Variants in GRIN2A observed in about 807,000 individuals in gnomAD.
GRIN2A encodes the protein glutamate ionotropic receptor NMDA type subunit 2A.
In GRIN2A, 22 loss-of-function variants were observed where a neutral mutation model predicts 113.4. That is an observed-to-expected ratio of 0.19 (90% CI 0.14 to 0.28). GRIN2A has a LOEUF of 0.28. GRIN2A is among the 10% of genes least tolerant of loss of function. The pLI, the probability that GRIN2A is intolerant of heterozygous loss-of-function variation, is 1.00. For missense variants in GRIN2A, 1,502 were observed against 1,887.0 expected (o/e 0.80, Z 3.78); for synonymous variants, 827 against 738.4 (o/e 1.12, Z -1.94).
chr16:9,970,657 AG>A (rs1162537629), intron 2 of GRIN2A: 1 of 375,776 alleles, frequency 2.7e-6, no homozygotes, highest in Non-Finnish European at 3.7e-6. Flanking sequence ...TTTTGGTTCA[AG>A]AAATATGTAT....
At chr16:9,798,518 G>T in intron 10 of GRIN2A, 54 bp from the exon 11 acceptor site, 1 of 1,411,480 alleles carries the variant, frequency 7.1e-7, no homozygotes, top group South Asian at 1.2e-5. Flanking sequence ...CCACCTCGGG[G>T]TCCAGCTCCT....
At position 9,799,964 on chromosome 16, in the gene GRIN2A, A is replaced by ATATTATTATTATTATTATTATTAT. The variant is rs71400498; in HGVS notation, c.2169-1524_2169-1501dup. On this transcript the variant is annotated intron_variant, in intron 10 of 12. Transcript: ENST00000330684. ...TCTCCAAGGGCACAACTGTGCCTAA[A>ATATTATTATTATTATTATTATTAT]TATTATTATTATTATTATTATTATT... 1.9e-3 allele frequency among the ~76,000 whole-genome samples: 288 copies of ATATTATTATTATTATTATTATTAT among 149,702 alleles called. 1 individual carries two copies. Among genetic ancestry groups the ATATTATTATTATTATTATTATTAT allele is most frequent in the African/African-American group, 6.7e-3 (272 of 40,644 alleles).
At chr16:10,095,651 G>A (rs1025672714) in intron 2 of GRIN2A, among the ~76,000 whole-genome samples, 5 of 152,062 alleles carry the variant, frequency 3.3e-5, no homozygotes, top group Non-Finnish European at 7.4e-5. Flanking sequence ...CGTCTTCCTA[G>A]TGCAGGTTTC....
intron 2 of GRIN2A, among the ~76,000 whole-genome samples, chr16:9,994,585 G>A (rs2729593): frequency 0.15 from 23,129 of 152,216 alleles, 2,064 homozygotes; most frequent in East Asian, 0.36. Context: ...GGAGCAAGAT[G>A]AGGGAAATTA....
chr16:10,113,127 C>G (rs1028817746), intron 2 of GRIN2A, among the ~76,000 whole-genome samples: 1 of 152,048 alleles, frequency 6.6e-6, no homozygotes, highest in East Asian at 1.9e-4. Flanking sequence ...CAGCCAGGCT[C>G]TCAGGCCCTG....
At chr16:10,077,862 A>G (rs1245098368) in intron 2 of GRIN2A, among the ~76,000 whole-genome samples, 4 of 152,022 alleles carry the variant, frequency 2.6e-5, no homozygotes, top group Non-Finnish European at 5.9e-5. Context: ...TTTTTTGGTG[A>G]TACCTTCCGT....
At chr16:9,848,744 TA>T (rs35177538) in intron 5 of GRIN2A, among the ~76,000 whole-genome samples, 2 of 65,396 alleles carry the variant, frequency 3.1e-5, no homozygotes, top group South Asian at 3.5e-4. Context: ...CACTGTTTTA[TA>T]ATATTTTAAA....
intron 2 of GRIN2A, among the ~76,000 whole-genome samples, chr16:10,068,032 T>G (rs963718948): frequency 6.6e-6 from 1 of 152,266 alleles, no homozygotes; most frequent in African/African-American, 2.4e-5. Flanking sequence ...GAAAGCCATC[T>G]GTGGGATAGA....
chr16:10,041,627 A>G (rs1180215393), intron 2 of GRIN2A, among the ~76,000 whole-genome samples: 2 of 152,160 alleles, frequency 1.3e-5, no homozygotes, highest in African/African-American at 2.4e-5. Context: ...GTAAAATGGG[A>G]GTAATATTGC....
intron 11 of GRIN2A, among the ~76,000 whole-genome samples, chr16:9,771,865 A>T (rs1372280237): frequency 6.6e-6 from 1 of 152,198 alleles, no homozygotes; most frequent in Non-Finnish European, 1.5e-5. Flanking sequence ...TCACATGCTC[A>T]TTTGGGCTTT....
At chr16:9,784,417 C>T (rs1902097755) in intron 11 of GRIN2A, among the ~76,000 whole-genome samples, 1 of 132,240 alleles carries the variant, frequency 7.6e-6, no homozygotes, top group South Asian at 2.3e-4. Context: ...GCTACAAGAG[C>T]AAAACTCTAA....
At chr16:10,130,989 G>T (rs926966952) in intron 2 of GRIN2A, among the ~76,000 whole-genome samples, 2 of 152,168 alleles carry the variant, frequency 1.3e-5, no homozygotes, top group African/African-American at 4.8e-5. Context: ...TGCCCTCAAG[G>T]TTCAGGAGGC....
At chr16:9,957,947 G>C (rs142382754) in intron 2 of GRIN2A, among the ~76,000 whole-genome samples, 33 of 152,246 alleles carry the variant, frequency 2.2e-4, no homozygotes, top group African/African-American at 7.0e-4. Context: ...CAAAGAACAC[G>C]GTTGGCTTGT....
At chr16:9,818,597 A>G (rs1024074111) in intron 10 of GRIN2A, among the ~76,000 whole-genome samples, 8 of 152,142 alleles carry the variant, frequency 5.3e-5, no homozygotes, top group Non-Finnish European at 1.0e-4. Context: ...TAAGAAAAAG[A>G]CCAACAAACC....
At chr16:9,773,851 G>T (rs1363327874) in intron 11 of GRIN2A, among the ~76,000 whole-genome samples, 1 of 152,210 alleles carries the variant, frequency 6.6e-6, no homozygotes, top group East Asian at 1.9e-4. Context: ...AAGGAGCAAG[G>T]TGTCAAGGTC....
At chr16:9,950,974 A>G (rs767291998) in intron 2 of GRIN2A, among the ~76,000 whole-genome samples, 2 of 152,154 alleles carry the variant, frequency 1.3e-5, no homozygotes, top group African/African-American at 2.4e-5. Context: ...TGTCAAAACT[A>G]ATTAATTTAA....
intron 2 of GRIN2A, among the ~76,000 whole-genome samples, chr16:10,081,608 T>C (rs2047983785): frequency 6.6e-6 from 1 of 152,154 alleles, no homozygotes; most frequent in Non-Finnish European, 1.5e-5. Flanking sequence ...CAAATACAAC[T>C]GGGGATAGTT....
At chr16:10,055,080 AAAAAAG>A (rs2047428718) in intron 2 of GRIN2A, among the ~76,000 whole-genome samples, 1 of 78,876 alleles carries the variant, frequency 1.3e-5, no homozygotes, top group African/African-American at 6.3e-5. Flanking sequence ...AAAAAAAAAA[AAAAAAG>A]AAAAAAGAAA....
At position 10,063,659 on chromosome 16, in the gene GRIN2A, C is replaced by T. The variant is rs192538043; in HGVS notation, c.414+116339G>A. On this transcript the variant is annotated intron_variant, in intron 2 of 12. Coordinates refer to ENST00000330684, the MANE Select transcript of GRIN2A (RefSeq NM_001134407.3). ...ATGAATAAATAATTCTCAAGCAAAT[C>T]AGAGGATCTAAATTACATGTTACAG... Among the ~76,000 whole-genome samples the T allele has an allele frequency of 2.7e-4, 41 of 152,304 alleles. No individual in the cohort carries two copies. The East Asian group carries it at 7.1e-3, about 27-fold the overall frequency.
Sources: gnomAD v4.1 joint callset for allele counts (sites outside exome capture counted in the v4.1 genomes callset) on GRCh38, gnomAD v4.1.1 for gene constraint, MANE v1.5 for transcripts, NCBI Gene and HGNC (gene_info 2026-07-23, HGNC 2026-07-21) for gene names.